Variants in MAF observed in about 807,000 individuals in gnomAD.
MAF encodes MAF bZIP transcription factor.
Under a neutral mutation model 22.0 loss-of-function variants are expected in MAF, and 10 were observed. That is an observed-to-expected ratio of 0.45 (90% confidence interval 0.28 to 0.77). The LOEUF is 0.77. MAF is among the 30% of genes least tolerant of loss of function. MAF has a pLI of 0.12. For synonymous variants in MAF, 337 were observed against 255.8 expected (o/e 1.32, Z -3.03); for missense variants, 544 against 548.4 (o/e 0.99, Z 0.08).
chr16:79,383,125 G>T, the MAF span, among the ~76,000 whole-genome samples: 12 of 152,176 alleles, frequency 7.9e-5, 1 homozygote, highest in South Asian at 1.9e-3. Flanking sequence ...GGAGAAATTT[G>T]AACCATTGGA....
At chr16:79,354,970 G>A in the MAF span, among the ~76,000 whole-genome samples, 1 of 149,584 alleles carries the variant, frequency 6.7e-6, no homozygotes, top group Non-Finnish European at 1.5e-5. Context: ...TCTTGGCAGG[G>A]GATTAAAAAA....
the MAF span, among the ~76,000 whole-genome samples, chr16:79,242,618 C>T: frequency 2.6e-5 from 4 of 151,918 alleles, no homozygotes; most frequent in Non-Finnish European, 5.9e-5. Context: ...GACTTTAACA[C>T]CCCACTGTCA....
intron 1 of MAF, among the ~76,000 whole-genome samples, chr16:79,587,161 T>G (rs1457686312): frequency 1.3e-5 from 2 of 152,250 alleles, no homozygotes; most frequent in Non-Finnish European, 2.9e-5. Context: ...CCCTTGTATC[T>G]GTCAAAGTTG....
the MAF span, among the ~76,000 whole-genome samples, chr16:79,331,604 A>C: frequency 6.6e-6 from 1 of 151,984 alleles, no homozygotes; most frequent in African/African-American, 2.4e-5. Context: ...CATACCTTCT[A>C]CCCGCCTCCC....
chr16:79,368,494 G>T, the MAF span, among the ~76,000 whole-genome samples: 2 of 152,000 alleles, frequency 1.3e-5, no homozygotes, highest in African/African-American at 2.4e-5. Context: ...AAGTGATCTT[G>T]GTCACTTTTC....
chr16:79,511,071 A>C, the MAF span, among the ~76,000 whole-genome samples: 1 of 148,644 alleles, frequency 6.7e-6, no homozygotes, highest in Non-Finnish European at 1.5e-5. Context: ...GCAGCAAATG[A>C]GCTGACTCAT....
chr16:79,310,182 T>C, the MAF span, among the ~76,000 whole-genome samples: 10 of 152,326 alleles, frequency 6.6e-5, no homozygotes, highest in Non-Finnish European at 1.3e-4. Context: ...GCCACCCTTT[T>C]GTGCATGAGG....
chr16:79,214,370 A>G, the MAF span, among the ~76,000 whole-genome samples: 1 of 152,212 alleles, frequency 6.6e-6, no homozygotes, highest in Non-Finnish European at 1.5e-5. Context: ...CTTTATGTTC[A>G]GGAAAATAAT....
chr16:79,376,521 AT>A, the MAF span, among the ~76,000 whole-genome samples: 27 of 151,428 alleles, frequency 1.8e-4, no homozygotes, highest in East Asian at 5.9e-4. Flanking sequence ...ATTTTATTTT[AT>A]TTTTTTTCTT....
chr16:79,382,529 TA>T, the MAF span, among the ~76,000 whole-genome samples: 1 of 152,294 alleles, frequency 6.6e-6, no homozygotes, highest in East Asian at 1.9e-4. Flanking sequence ...AATTTGAGAT[TA>T]AATTTAGCCA....
the MAF span, among the ~76,000 whole-genome samples, chr16:79,216,717 G>A: frequency 6.6e-6 from 1 of 151,856 alleles, no homozygotes; most frequent in South Asian, 2.1e-4. Flanking sequence ...GGTTTAGACG[G>A]TAACCCCATA....
the MAF span, among the ~76,000 whole-genome samples, chr16:79,543,182 G>A: frequency 6.6e-6 from 1 of 152,186 alleles, no homozygotes; most frequent in Non-Finnish European, 1.5e-5. Flanking sequence ...ATTTTTCTCA[G>A]GCATTTAAAA....
the MAF span, among the ~76,000 whole-genome samples, chr16:79,361,518 C>T: frequency 6.3e-3 from 953 of 152,258 alleles, 5 homozygotes; most frequent in Non-Finnish European, 1.0e-2. Flanking sequence ...GATTGAATGA[C>T]GGATCTCTAT....
the MAF span, among the ~76,000 whole-genome samples, chr16:79,430,771 C>A: frequency 7.9e-5 from 12 of 152,214 alleles, no homozygotes; most frequent in Non-Finnish European, 1.6e-4. Flanking sequence ...AGGGTGAGCA[C>A]GGCCCCCAGT....
chr16:79,400,336 T>C, the MAF span, among the ~76,000 whole-genome samples: 148,008 of 152,312 alleles, frequency 0.97, 72,052 homozygotes, highest in East Asian at 1. Context: ...CTTGTGCCAG[T>C]TGGGTGGCCT....
chr16:79,519,218 G>A, the MAF span, among the ~76,000 whole-genome samples: 2 of 152,128 alleles, frequency 1.3e-5, no homozygotes, highest in African/African-American at 2.4e-5. Context: ...ACCTGGAGCT[G>A]TTACTCTGAG....
chr16:79,335,393 A>T, the MAF span, among the ~76,000 whole-genome samples: 449 of 152,224 alleles, frequency 2.9e-3, 1 homozygote, highest in Middle Eastern at 6.8e-3. Flanking sequence ...GGCTTCTTCG[A>T]AGAAGAAGAG....
chr16:79,382,104 T>G, the MAF span, among the ~76,000 whole-genome samples: 1 of 152,178 alleles, frequency 6.6e-6, no homozygotes, highest in African/African-American at 2.4e-5. Context: ...TAGGTGACAC[T>G]TTCCTGATTC....
the MAF span, among the ~76,000 whole-genome samples, chr16:79,322,741 G>A: frequency 6.6e-6 from 1 of 152,160 alleles, no homozygotes; most frequent in Admixed American, 6.5e-5. Flanking sequence ...GTCGTGGCAG[G>A]GGGTATAAAG....
Sources: allele counts gnomAD v4.1 joint callset (sites outside exome capture counted in the v4.1 genomes callset), GRCh38; gene constraint gnomAD v4.1.1; transcripts MANE v1.5; gene names NCBI Gene and HGNC (gene_info 2026-07-23, HGNC 2026-07-21).